The following P4HTM variants were observed in gnomAD, a reference collection of about 807,000 sequenced individuals.
P4HTM encodes prolyl 4-hydroxylase, transmembrane.
In P4HTM, 33 loss-of-function variants were observed where a neutral mutation model predicts 55.3. That is an observed-to-expected ratio of 0.60 (90% CI 0.45 to 0.80). The LOEUF is 0.80. P4HTM is among the 30% of genes least tolerant of loss of function. The probability of loss-of-function intolerance (pLI) is 0.00; values close to 1 mark genes in which losing one functional copy is unlikely to be tolerated. For synonymous variants in P4HTM, 272 were observed against 286.4 expected, an observed-to-expected ratio of 0.95 and a Z score of 0.51; for missense variants, 542 against 696.5, an observed-to-expected ratio of 0.78 and a Z score of 2.50.
intron 2 of P4HTM, among the ~76,000 whole-genome samples, chr3:48,995,678 G>A (rs2092943546): frequency 6.6e-6 from 1 of 152,034 alleles, no homozygotes; most frequent in South Asian, 2.1e-4. Context: ...CGCCTCCTGG[G>A]CTCAAGCCAT....
intron 4 of P4HTM, 196 bp from the exon 5 acceptor site, chr3:49,003,902 C>T: frequency 1.7e-6 from 1 of 579,274 alleles, no homozygotes. Context: ...TGCTCTGGGT[C>T]TTCCTGTAAG....
At chr3:49,004,652 G>T in intron 5 of P4HTM, 1 of 598,984 alleles carries the variant, frequency 1.7e-6, no homozygotes, top group East Asian at 2.8e-5. Context: ...CCACATAGCA[G>T]GTGTCTCTGT....
rs1445303758 is a variant in P4HTM at position 49,002,462 on chromosome 3, A to G, written c.628-38A>G. The G allele has an allele frequency of 6.9e-7, 1 of 1,450,958 alleles. No individual in the cohort carries two copies. Among genetic ancestry groups the G allele is most frequent in the Non-Finnish European group, 9.7e-7 (1 of 1,032,410 alleles). 89.9% of individuals were successfully genotyped at this position (1,450,958 alleles called of 1,614,324 possible). ...ATCTGTTCTCTGCTGGCTCTCCATC[A>G]CTGGGGTCACCCACTGAGGGACCCT... On this transcript the variant is annotated intron_variant, in intron 3 of 8. Coordinates refer to ENST00000383729, the MANE Select transcript of P4HTM (RefSeq NM_177939.3). The surrounding 1 kb of genome is among the most constrained non-coding windows in gnomAD (Gnocchi z 4.4).
intron 7 of P4HTM, 54 bp from the exon 8 acceptor site, chr3:49,006,001 CCTTGGCTGG>C (rs1481778916): frequency 1.9e-6 from 3 of 1,577,846 alleles, no homozygotes; most frequent in Non-Finnish European, 1.7e-6. Flanking sequence ...CTTTGGTCAC[CCTTGGCTGG>C]CCTGGCCATA....
chr3:48,995,020 C>G (rs1019979933), intron 2 of P4HTM, among the ~76,000 whole-genome samples: 1 of 152,132 alleles, frequency 6.6e-6, no homozygotes, highest in African/African-American at 2.4e-5. Flanking sequence ...AGGCTGGTCT[C>G]AAACTCCTGA....
chr3:48,992,463 G>A (rs916290926), intron 2 of P4HTM, among the ~76,000 whole-genome samples: 12 of 151,476 alleles, frequency 7.9e-5, no homozygotes, highest in African/African-American at 2.7e-4. Flanking sequence ...AAAATTAGCC[G>A]GGTGTGGTGG....
intron 2 of P4HTM, among the ~76,000 whole-genome samples, chr3:48,994,068 G>A: frequency 6.6e-6 from 1 of 152,164 alleles, no homozygotes. Flanking sequence ...GTGTGAGAGG[G>A]AAGAGGGTGG....
At chr3:49,005,376 T>G in intron 6 of P4HTM, 1 of 1,408,800 alleles carries the variant, frequency 7.1e-7, no homozygotes, top group Non-Finnish European at 9.2e-7. Flanking sequence ...TGATTCCACT[T>G]AGAGAAGCTG....
At position 49,002,919 on chromosome 3, in the gene P4HTM, G is replaced by C. The variant is rs1333565186; in HGVS notation, c.724+323G>C. 3 of 418,872 alleles carry C rather than the reference G, an allele frequency of 7.2e-6. No homozygotes were observed. Among genetic ancestry groups the C allele is most frequent in the Non-Finnish European group, 1.4e-5 (3 of 221,150 alleles). 25.9% of individuals were successfully genotyped at this position (418,872 alleles called of 1,614,324 possible). A position where few individuals can be genotyped will look rare whatever the true frequency, so the allele number is the denominator to read the frequency against. On this transcript the variant is annotated intron_variant, in intron 4 of 8. Transcript: ENST00000383729. This position sits in a 1 kb window ranked among gnomAD's most constrained non-coding sequence, Gnocchi z 4.4. ...AGAGAACAGAGTGGGTGGAGCAGGA[G>C]CAAGGCGACAGTGAGGCCAGCTAGA...
Position 49,002,403 on chromosome 3 carries a change from C to A in P4HTM, c.628-97C>A, listed in dbSNP as rs2092963606. Reference sequence around the variant, plus strand: ...CCCTGTGTCCTCATCCATGCCCTCACCTGAACACTTTGCTCCACAACAAGC... The same window carrying A: ...CCCTGTGTCCTCATCCATGCCCTCAACTGAACACTTTGCTCCACAACAAGC... On this transcript the variant is annotated intron_variant, in intron 3 of 8. Transcript: ENST00000383729. The surrounding 1 kb of genome is among the most constrained non-coding windows in gnomAD (Gnocchi z 4.4). 1 of 889,980 alleles carries A rather than the reference C, an allele frequency of 1.1e-6. No individual in the cohort carries two copies. The highest frequency in any genetic ancestry group is 1.9e-6 in the Non-Finnish European group (1 of 538,982). 55.1% of individuals were successfully genotyped at this position (889,980 alleles called of 1,614,324 possible).
In P4HTM at chr3:49,006,738, C is replaced by T. The variant is rs372959376; in HGVS notation, c.1340C>T (p.Thr447Met). The T allele has an allele frequency of 1.9e-5, 30 of 1,613,620 alleles. No individual in the cohort carries two copies. The highest frequency in any genetic ancestry group is 2.5e-5 in the Non-Finnish European group (29 of 1,180,054). The change falls in exon 9 of 9, where the codon ACG becomes ATG. Residue 447 changes from threonine (T) to methionine (M), a missense_variant. This residue lies in a region of P4HTM where 536 missense variants were observed against 672.1 expected (regional missense o/e 0.80). Coordinates refer to ENST00000383729, the MANE Select transcript of P4HTM (RefSeq NM_177939.3). ...DYSLHGGCLVTRGTKWIANNW... is the reference protein window; with the variant it reads ...DYSLHGGCLVMRGTKWIANNW... ...TCGCTGCACGGGGGCTGCCTGGTCA[C>T]GCGCGGCACCAAGTGGATTGCCAAC...
At chr3:49,006,230 A>G in intron 8 of P4HTM, 43 bp downstream of exon 8, 7 of 1,586,134 alleles carry the variant, frequency 4.4e-6, no homozygotes, top group Non-Finnish European at 6.0e-6. Flanking sequence ...CCCTGAGTAC[A>G]GCTTCCCTTT....
chr3:49,004,167 A>G lies in P4HTM; in HGVS notation c.794A>G (p.Lys265Arg), dbSNP rs1327125390. ...TTCCACAAGTACATGAGGAGCCACA[A>G]GGCAGAGTCCAGTGAGCTGGTGCGG... ...RDFHKYMRSHKAESSELVRNS... is the reference protein window; with the variant it reads ...RDFHKYMRSHRAESSELVRNS... The change falls in exon 5 of 9, where the codon AAG becomes AGG. Residue 265 changes from lysine (K) to arginine (R), a missense_variant. By Grantham distance (26) the Lys-to-Arg change is conservative (BLOSUM62 2). Around this residue, in one of 2 missense-constraint regions of P4HTM, gnomAD observed 536 missense variants for 672.1 expected, o/e 0.80. Transcript: ENST00000383729. 3.2e-6 allele frequency: 5 copies of G among 1,551,156 alleles called. No homozygotes were observed. In the South Asian group the frequency reaches 5.9e-5, roughly 18 times the overall value.
intron 2 of P4HTM, 106 bp downstream of exon 2, chr3:48,991,020 G>GA: frequency 8.7e-6 from 7 of 800,326 alleles, no homozygotes; most frequent in Non-Finnish European, 1.5e-5. Flanking sequence ...GGCTGCTTCA[G>GA]AGCAGCCCTT....
rs200494971 is a variant in P4HTM, at chr3:49,005,015, A to G, written c.1042A>G (p.Asn348Asp). The change falls in exon 6 of 9, where the codon AAC becomes GAC. Residue 348 changes from asparagine (N) to aspartate (D), a missense_variant. Asn to Asp is a conservative substitution (Grantham distance 23, BLOSUM62 1). Around this residue, in one of 2 missense-constraint regions of P4HTM, gnomAD observed 536 missense variants for 672.1 expected, o/e 0.80. Transcript: ENST00000383729. Reference protein sequence around the residue: ...TICSHTKLVANESVPFETSCR... With the variant: ...TICSHTKLVADESVPFETSCR... Reference sequence around the variant, plus strand: ...CTGCTCCCATACCAAGCTGGTAGCCAACGAGTCTGTACCCTTCGAGACCTC... The same window carrying G: ...CTGCTCCCATACCAAGCTGGTAGCCGACGAGTCTGTACCCTTCGAGACCTC... 3.3e-5 allele frequency: 54 copies of G among 1,614,100 alleles called. No homozygotes were observed. The highest frequency in any genetic ancestry group is 4.3e-5 in the Non-Finnish European group (51 of 1,180,030).
intron 2 of P4HTM, among the ~76,000 whole-genome samples, chr3:48,994,747 T>A (rs2092940508): frequency 6.6e-6 from 1 of 152,198 alleles, no homozygotes; most frequent in African/African-American, 2.4e-5. Flanking sequence ...CCACACTGAT[T>A]CTGTCATAGC....
At chr3:49,005,661 T>G in intron 6 of P4HTM, 116 bp from the exon 7 acceptor site, 2 of 1,468,228 alleles carry the variant, frequency 1.4e-6, no homozygotes, top group Non-Finnish European at 1.8e-6. Flanking sequence ...TTGTCTCCCA[T>G]CCTAGTCTGT....
At position 48,990,974 on chromosome 3, in the gene P4HTM, G is replaced by A; in HGVS notation, c.436+60G>A. On this transcript the variant is annotated intron_variant, in intron 2 of 8. Transcript: ENST00000383729. This position sits in a 1 kb window ranked among gnomAD's most constrained non-coding sequence, Gnocchi z 7.2. ...GGCTGCGGTTTGGTGGCCACCTTGA[G>A]GCTCGTTGTGACCACGTGACCTCTA... is the stretch of plus-strand genomic sequence containing the variant. 1.5e-6 allele frequency: 2 copies of A among 1,310,356 alleles called. No individual in the cohort carries two copies. The highest frequency in any genetic ancestry group is 2.2e-6 in the Non-Finnish European group (2 of 913,690). The allele number at this position is 1,310,356 out of a possible 1,614,324, so 81.2% of individuals were successfully genotyped here.
At chr3:48,994,415 C>A (rs574710595) in intron 2 of P4HTM, among the ~76,000 whole-genome samples, 1 of 152,234 alleles carries the variant, frequency 6.6e-6, no homozygotes, top group Admixed American at 6.5e-5. Flanking sequence ...AGAAGGGAAC[C>A]CTAGCACTTC....
Sources: gnomAD v4.1 joint callset for allele counts (sites outside exome capture counted in the v4.1 genomes callset) on GRCh38, gnomAD v4.1.1 for gene constraint, gnomAD v4.1.1 regional missense constraint, Gnocchi (gnomAD v3.1) non-coding constraint, MANE v1.5 for transcripts, NCBI Gene and HGNC (gene_info 2026-07-23, HGNC 2026-07-21) for gene names.